Variants in RAB3B observed in about 807,000 individuals in gnomAD.
The protein encoded by RAB3B is ras-related protein Rab-3B.
RAB3B carries 11 observed loss-of-function variants against 20.5 expected under a neutral mutation model. That is an observed-to-expected ratio of 0.54 (90% confidence interval 0.34 to 0.89). RAB3B has a LOEUF of 0.89. RAB3B is among the 40% of genes least tolerant of loss of function. The probability of loss-of-function intolerance (pLI) is 0.02; values close to 1 mark genes in which losing one functional copy is unlikely to be tolerated. For missense variants in RAB3B, 225 were observed against 280.9 expected (o/e 0.80, Z 1.42); for synonymous variants, 99 against 106.3 (o/e 0.93, Z 0.42).
chr1:51,986,392 C>T (rs528463186), intron 1 of RAB3B, among the ~76,000 whole-genome samples: 65 of 152,088 alleles, frequency 4.3e-4, no homozygotes, highest in South Asian at 4.0e-3. Flanking sequence ...CCTTGTGATC[C>T]GCCTGCCTCG....
intron 1 of RAB3B, among the ~76,000 whole-genome samples, chr1:51,987,732 G>C (rs566095860): frequency 6.6e-6 from 1 of 152,122 alleles, no homozygotes; most frequent in East Asian, 1.9e-4. Context: ...TCTTGGTATA[G>C]GCAAGGGATT....
At chr1:51,984,141 G>C (rs1360050401) in intron 1 of RAB3B, among the ~76,000 whole-genome samples, 1 of 150,792 alleles carries the variant, frequency 6.6e-6, no homozygotes, top group Non-Finnish European at 1.5e-5. Context: ...GTGGCTGCCT[G>C]TAATCCCAGC....
intron 1 of RAB3B, among the ~76,000 whole-genome samples, chr1:51,987,114 A>C (rs963139186): frequency 3.3e-5 from 5 of 152,214 alleles, no homozygotes; most frequent in African/African-American, 1.2e-4. Flanking sequence ...TGTGAAAAAC[A>C]ACCCTTTCAG....
intron 1 of RAB3B, among the ~76,000 whole-genome samples, chr1:51,989,456 C>T (rs572033344): frequency 1.2e-4 from 19 of 152,018 alleles, no homozygotes; most frequent in African/African-American, 4.3e-4. Context: ...CCTCCTTGGA[C>T]TCCTGAGTGG....
At chr1:51,969,146 T>A (rs1684894905) in intron 2 of RAB3B, among the ~76,000 whole-genome samples, 1 of 152,102 alleles carries the variant, frequency 6.6e-6, no homozygotes, top group African/African-American at 2.4e-5. Context: ...AATACAAAAC[T>A]TAGCCAGGCA....
intron 2 of RAB3B, among the ~76,000 whole-genome samples, chr1:51,970,287 C>A (rs1242967960): frequency 2.0e-5 from 3 of 152,016 alleles, no homozygotes; most frequent in Admixed American, 2.0e-4. Flanking sequence ...TGGCAACCAG[C>A]ACCCAGCAAT....
At chr1:51,976,491 G>A (rs2124311360) in intron 2 of RAB3B, among the ~76,000 whole-genome samples, 1 of 152,216 alleles carries the variant, frequency 6.6e-6, no homozygotes, top group Middle Eastern at 3.4e-3. Context: ...AGGACCTAAG[G>A]ACCCAACAGC....
At chr1:51,924,432 T>C (rs1402733097) in intron 4 of RAB3B, among the ~76,000 whole-genome samples, 1 of 152,182 alleles carries the variant, frequency 6.6e-6, no homozygotes, top group Non-Finnish European at 1.5e-5. Flanking sequence ...GACATGTCAC[T>C]GTGAGTGTAT....
intron 2 of RAB3B, among the ~76,000 whole-genome samples, chr1:51,945,731 A>G (rs1054510559): frequency 3.9e-5 from 6 of 152,322 alleles, no homozygotes; most frequent in African/African-American, 1.4e-4. Flanking sequence ...GTCATTTCCC[A>G]TTCCATTCAA....
rs1684095838 is a variant in RAB3B at position 51,917,028 on chromosome 1, G to A, written c.*2899C>T. ...TGTGGTTAAGAGCACAGACCTTGGA[G>A]CCTACTGCCTGGATGTGAACTCCAG... On this transcript the variant is annotated 3_prime_UTR_variant, in exon 5 of 5. Coordinates refer to ENST00000371655, the MANE Select transcript of RAB3B (RefSeq NM_002867.4). 1 of 152,204 alleles carries A rather than the reference G, an allele frequency of 6.6e-6. No homozygotes were observed. The highest frequency in any genetic ancestry group is 1.5e-5 in the Non-Finnish European group (1 of 68,044). The allele number at this position is 152,204 out of a possible 1,614,324, so 9.4% of individuals were successfully genotyped here. A position where few individuals can be genotyped will look rare whatever the true frequency, so the allele number is the denominator to read the frequency against.
rs1218632469 is a variant in RAB3B, at chr1:51,918,604, G to C, written c.*1323C>G. 6.6e-6 allele frequency: 1 copy of C among 152,240 alleles called. No individual in the cohort carries two copies. The highest frequency in any genetic ancestry group is 2.4e-5 in the African/African-American group (1 of 41,460). 9.4% of individuals were successfully genotyped at this position (152,240 alleles called of 1,614,324 possible). On this transcript the variant is annotated 3_prime_UTR_variant, in exon 5 of 5. Coordinates refer to ENST00000371655, the MANE Select transcript of RAB3B (RefSeq NM_002867.4). ...AAAACTTTCTATGAGAGTTGACAAA[G>C]ATGGTGTGGAAAATGAGCTCCTGTC...
At chr1:51,923,506 A>G (rs1684200920) in intron 4 of RAB3B, among the ~76,000 whole-genome samples, 1 of 152,122 alleles carries the variant, frequency 6.6e-6, no homozygotes, top group South Asian at 2.1e-4. Context: ...ACCTGAGGTC[A>G]GGAGTTAGAG....
chr1:51,971,297 G>T (rs904734345), intron 2 of RAB3B, among the ~76,000 whole-genome samples: 2 of 151,644 alleles, frequency 1.3e-5, no homozygotes, highest in Non-Finnish European at 2.9e-5. Flanking sequence ...ACACATAAAT[G>T]TTCCCCCTTT....
intron 1 of RAB3B, among the ~76,000 whole-genome samples, chr1:51,984,702 T>C (rs545015104): frequency 6.6e-6 from 1 of 152,322 alleles, no homozygotes; most frequent in South Asian, 2.1e-4. Context: ...GAACATTTCT[T>C]TACATAAATT....
At chr1:51,955,691 C>A (rs1054119754) in intron 2 of RAB3B, among the ~76,000 whole-genome samples, 1 of 152,146 alleles carries the variant, frequency 6.6e-6, no homozygotes, top group Admixed American at 6.5e-5. Context: ...TAAGCCACTG[C>A]GCCTGGCCCC....
rs1435365886 is a variant in RAB3B, at chr1:51,918,119, TA to T, written c.*1807del. On this transcript the variant is annotated 3_prime_UTR_variant, in exon 5 of 5. Coordinates refer to ENST00000371655, the MANE Select transcript of RAB3B (RefSeq NM_002867.4). ...TTTATTCTGGTCTCTGAGTTTCTTT[TA>T]TTTTTTTCCTCAGGTATTTAATTAA... 6.6e-6 allele frequency: 1 copy of T among 152,202 alleles called. No individual in the cohort carries two copies. The highest frequency in any genetic ancestry group is 1.5e-5 in the Non-Finnish European group (1 of 68,028). 9.4% of individuals were successfully genotyped at this position (152,202 alleles called of 1,614,324 possible).
intron 1 of RAB3B, among the ~76,000 whole-genome samples, chr1:51,987,066 C>G (rs1685161620): frequency 6.6e-6 from 1 of 152,146 alleles, no homozygotes; most frequent in African/African-American, 2.4e-5. Flanking sequence ...CGTCCCTGTC[C>G]CAGGCTGGGG....
chr1:51,954,152 C>T (rs1684676007), intron 2 of RAB3B, among the ~76,000 whole-genome samples: 1 of 152,222 alleles, frequency 6.6e-6, no homozygotes, highest in Admixed American at 6.5e-5. Context: ...TCTTTTACCA[C>T]TGTTGAGAGT....
At chr1:51,930,871 G>C (rs915467162) in intron 4 of RAB3B, among the ~76,000 whole-genome samples, 1 of 151,954 alleles carries the variant, frequency 6.6e-6, no homozygotes, top group African/African-American at 2.4e-5. Flanking sequence ...CAAAAAATTA[G>C]CCAGGCATGG....
Sources: allele counts gnomAD v4.1 joint callset (sites outside exome capture counted in the v4.1 genomes callset), GRCh38; gene constraint gnomAD v4.1.1; transcripts MANE v1.5; gene names NCBI Gene and HGNC (gene_info 2026-07-23, HGNC 2026-07-21).